Variants in NINJ2 observed in about 807,000 individuals in gnomAD.
The protein encoded by NINJ2 is ninjurin-2.
Under a neutral mutation model 11.7 loss-of-function variants are expected in NINJ2, and 12 were observed. The ratio of observed to expected loss-of-function variants is 1.02; its 90% CI spans 0.66 to 1.66. The LOEUF (loss-of-function observed/expected upper bound fraction) is 1.66, where lower values mean the gene tolerates loss of function less well. NINJ2 is among the 40% of genes most tolerant of loss of function. The pLI, the probability that NINJ2 is intolerant of heterozygous loss-of-function variation, is 0.00. For missense variants in NINJ2, 187 were observed against 181.8 expected (o/e 1.03, Z -0.16); for synonymous variants, 93 against 76.8 (o/e 1.21, Z -1.10).
intron 1 of NINJ2, among the ~76,000 whole-genome samples, chr12:632,985 A>G (rs963569693): frequency 2.6e-5 from 4 of 152,208 alleles, no homozygotes; most frequent in African/African-American, 9.6e-5. Context: ...AGCTTGGGCA[A>G]GATCTCACAA....
At chr12:632,015 A>G (rs1948289675) in intron 1 of NINJ2, among the ~76,000 whole-genome samples, 1 of 152,152 alleles carries the variant, frequency 6.6e-6, no homozygotes, top group Non-Finnish European at 1.5e-5. Context: ...GAGGAAGCCC[A>G]AGGTATTTGG....
intron 1 of NINJ2, chr12:644,077 C>T (rs1937635259): frequency 6.5e-6 from 1 of 154,802 alleles, no homozygotes; most frequent in Non-Finnish European, 1.5e-5. Context: ...CATTGAGTAC[C>T]ACTGAACTAG....
intron 1 of NINJ2, among the ~76,000 whole-genome samples, chr12:566,661 C>T (rs1195305694): frequency 6.6e-6 from 1 of 152,208 alleles, no homozygotes; most frequent in African/African-American, 2.4e-5. Context: ...GTGCACAGCT[C>T]AGCAGCTGAT....
At position 585,587 on chromosome 12, in the gene NINJ2, GT is replaced by G. The variant is rs2120852540; in HGVS notation, c.34-19410del. Among the ~76,000 whole-genome samples, 1 of 152,092 alleles carries G rather than the reference GT, an allele frequency of 6.6e-6. No homozygotes were observed. Among genetic ancestry groups the G allele is most frequent in the East Asian group, 1.9e-4 (1 of 5,182 alleles). ...GGAAGGGAGGCTGAGCACAGGCACGGTCACGCTGTGTTGCACCCTGGCCTGC... is the reference window on the plus strand; with the variant it reads ...GGAAGGGAGGCTGAGCACAGGCACGGCACGCTGTGTTGCACCCTGGCCTGC... On this transcript the variant is annotated intron_variant, in intron 1 of 3. Transcript: ENST00000305108. This position sits in a 1 kb window ranked among gnomAD's most constrained non-coding sequence, Gnocchi z 4.1.
intron 1 of NINJ2, among the ~76,000 whole-genome samples, chr12:568,936 G>A (rs910995751): frequency 7.5e-6 from 1 of 133,142 alleles, no homozygotes; most frequent in Non-Finnish European, 1.5e-5. Flanking sequence ...AACAGGCCCT[G>A]GCAAACTCCT....
intron 1 of NINJ2, chr12:644,439 AGAGGTT>A (rs1208844497): frequency 6.6e-6 from 1 of 152,272 alleles, no homozygotes; most frequent in African/African-American, 2.4e-5. Flanking sequence ...ATGAGGAAAC[AGAGGTT>A]AAGCATATAT....
intron 1 of NINJ2, among the ~76,000 whole-genome samples, chr12:568,805 G>A (rs879447571): frequency 6.6e-6 from 1 of 152,086 alleles, no homozygotes; most frequent in Non-Finnish European, 1.5e-5. Context: ...AGAGTAGAAT[G>A]GAGACCAGCG....
intron 1 of NINJ2, among the ~76,000 whole-genome samples, chr12:624,728 G>T (rs1481795261): frequency 6.7e-6 from 1 of 150,126 alleles, no homozygotes; most frequent in African/African-American, 2.5e-5. Flanking sequence ...AGAATTGCTT[G>T]AACCCAGGAG....
At chr12:602,000 C>G (rs1378397426) in intron 1 of NINJ2, among the ~76,000 whole-genome samples, 1 of 152,222 alleles carries the variant, frequency 6.6e-6, no homozygotes, top group Non-Finnish European at 1.5e-5. Flanking sequence ...CCAGATGAAG[C>G]CAGTAGCAAT....
chr12:629,896 A>AAAAAAAAAAAATATAT, intron 1 of NINJ2, among the ~76,000 whole-genome samples: 7 of 9,894 alleles, frequency 7.1e-4, no homozygotes, highest in South Asian at 0.019. Flanking sequence ...AAAAAAAAAA[A>AAAAAAAAAAAATATAT]ATATATATAT....
chr12:565,494 C>A (rs1317372712), intron 2 of NINJ2, 93 bp from the exon 3 acceptor site: 50 of 1,320,298 alleles, frequency 3.8e-5, no homozygotes, highest in Non-Finnish European at 5.1e-5. Flanking sequence ...GAGAGAGGGG[C>A]CCTTCAGAAA....
intron 1 of NINJ2, among the ~76,000 whole-genome samples, chr12:604,506 T>C (rs1200247980): frequency 2.0e-5 from 3 of 152,022 alleles, no homozygotes; most frequent in East Asian, 3.9e-4. Flanking sequence ...GGCGTGGTGG[T>C]GGGCACCTGT....
At chr12:584,676 G>A (rs1338846299) in intron 1 of NINJ2, among the ~76,000 whole-genome samples, 2 of 151,878 alleles carry the variant, frequency 1.3e-5, no homozygotes, top group Admixed American at 1.3e-4. Context: ...TGTGGTGGCG[G>A]GTGCCTGTAA....
chr12:657,297 C>G (rs773469392), intron 1 of NINJ2, among the ~76,000 whole-genome samples: 1 of 152,002 alleles, frequency 6.6e-6, no homozygotes, highest in African/African-American at 2.4e-5. Flanking sequence ...AATTCAACAA[C>G]AAGAAAATAA....
rs148355647 is a variant in NINJ2 at position 619,352 on chromosome 12, C to T, written c.33+43976G>A. On this transcript the variant is annotated intron_variant, in intron 1 of 3. Transcript: ENST00000305108. ...AAGCTATGTTAATGGCCAAAGAGAA[C>T]ATGCTTTAGAAGGAATGAGAAAAAT... Among the ~76,000 whole-genome samples the T allele has an allele frequency of 1.2e-3, 176 of 152,308 alleles. 2 individuals are homozygous for T. Among genetic ancestry groups the T allele is most frequent in the African/African-American group, 4.1e-3 (170 of 41,562 alleles).
intron 1 of NINJ2, among the ~76,000 whole-genome samples, chr12:576,454 T>G (rs1432571753): frequency 1.3e-5 from 2 of 152,116 alleles, no homozygotes. Flanking sequence ...GCACGTGCGT[T>G]GAAACCGGAA....
At chr12:639,668 C>T (rs1387619244) in intron 1 of NINJ2, among the ~76,000 whole-genome samples, 5 of 152,140 alleles carry the variant, frequency 3.3e-5, no homozygotes, top group Non-Finnish European at 7.3e-5. Context: ...TGGGCTGCTA[C>T]TGAGAGAACA....
intron 1 of NINJ2, among the ~76,000 whole-genome samples, chr12:654,492 G>T (rs1390285695): frequency 6.8e-6 from 1 of 146,302 alleles, no homozygotes; most frequent in Non-Finnish European, 1.5e-5. Flanking sequence ...TTGCACTCCA[G>T]CTTAGGCAAC....
rs1937625449 is a variant in NINJ2 at position 643,446 on chromosome 12, A to T, written c.33+19882T>A. On this transcript the variant is annotated intron_variant, in intron 1 of 3. Coordinates refer to ENST00000305108, the MANE Select transcript of NINJ2 (RefSeq NM_016533.6). Reference sequence around the variant, plus strand: ...CGCTCCGCCGCGACGCGGCTCACAAACTAGGGAGGGGAGAAGGGAAGAAAG... The same window carrying T: ...CGCTCCGCCGCGACGCGGCTCACAATCTAGGGAGGGGAGAAGGGAAGAAAG... 7.1e-6 allele frequency: 7 copies of T among 988,036 alleles called. No homozygotes were observed. The South Asian group carries it at 3.3e-4, about 46-fold the overall frequency. The allele number at this position is 988,036 out of a possible 1,614,324, so 61.2% of individuals were successfully genotyped here. A position where few individuals can be genotyped will look rare whatever the true frequency, so the allele number is the denominator to read the frequency against.
Sources: gnomAD v4.1 joint callset for allele counts (sites outside exome capture counted in the v4.1 genomes callset) on GRCh38, gnomAD v4.1.1 for gene constraint, Gnocchi (gnomAD v3.1) non-coding constraint, MANE v1.5 for transcripts, NCBI Gene and HGNC (gene_info 2026-07-23, HGNC 2026-07-21) for gene names.